UBA7: variants seen among roughly 807,000 people sequenced by gnomAD.
UBA7 encodes the protein ubiquitin-like modifier-activating enzyme 7.
A neutral mutation model predicts 113.0 loss-of-function variants in UBA7; 88 were observed. The observed-to-expected ratio is 0.78, with a 90% CI of 0.66 to 0.93. The LOEUF is 0.93. Among genes scored for constraint, UBA7 ranks in the 40% least tolerant of loss-of-function variants. The probability of loss-of-function intolerance (pLI) is 0.00; values close to 1 mark genes in which losing one functional copy is unlikely to be tolerated. For missense variants in UBA7, 1,092 were observed against 1,266.4 expected, an observed-to-expected ratio of 0.86 and a Z score of 2.09; for synonymous variants, 459 against 513.0, an observed-to-expected ratio of 0.89 and a Z score of 1.42.
intron 17 of UBA7, 45 bp downstream of exon 17, chr3:49,809,345 G>A (rs2081503808): frequency 1.9e-6 from 3 of 1,603,488 alleles, no homozygotes; most frequent in South Asian, 2.2e-5. Flanking sequence ...TCTGCTCTGA[G>A]GGGCCACATC....
In UBA7 at chr3:49,807,648, G is replaced by A. The variant is rs1575369053; in HGVS notation, c.2715+88C>T. 4.1e-6 allele frequency: 6 copies of A among 1,467,258 alleles called. No homozygotes were observed. In the East Asian group the frequency reaches 1.4e-4, roughly 34 times the overall value. 90.9% of individuals were successfully genotyped at this position (1,467,258 alleles called of 1,614,324 possible). ...TTCTGCACAGTCTGAGTTTCAGTGA[G>A]AGCCGGCAGCTAGATTGGGGCCTGT... On this transcript the variant is annotated intron_variant, in intron 21 of 23. Transcript: ENST00000333486. This position sits in a 1 kb window ranked among gnomAD's most constrained non-coding sequence, Gnocchi z 4.0.
At position 49,810,054 on chromosome 3, in the gene UBA7, G is replaced by C. The variant is rs1308490112; in HGVS notation, c.1763C>G (p.Ala588Gly). Residue 588 changes from alanine to glycine, a missense_variant, in exon 14 of 24, where the codon GCT (alanine) becomes GGT (glycine). Physicochemically the swap from Ala to Gly is moderately conservative, Grantham distance 60. Around this residue, in one of 3 missense-constraint regions of UBA7, gnomAD observed 500 missense variants for 529.3 expected, o/e 0.94. Transcript: ENST00000333486. The surrounding 1 kb of genome is among the most constrained non-coding windows in gnomAD (Gnocchi z 5.6). ...VTEAYRAPAS[A>G]AASEDAPYPV... ...GTAGGGGGCATCCTCAGAAGCTGCA[G>C]CTGAGGCAGGGGCTCTGTAGGCCTC... is the stretch of plus-strand genomic sequence containing the variant. 17 of 1,613,674 alleles carry C rather than the reference G, an allele frequency of 1.1e-5. No homozygotes were observed. The highest frequency in any genetic ancestry group is 1.4e-5 in the Non-Finnish European group (16 of 1,180,000).
rs1204406159 is a variant in UBA7, at chr3:49,813,877, T to C, written c.-90A>G. Reference sequence around the variant, plus strand: ...GTGACAGTAGGGGCCAGTGCCCTGCTGTAGCCAGTGCAAACAGGAACCAAG... The same window carrying C: ...GTGACAGTAGGGGCCAGTGCCCTGCCGTAGCCAGTGCAAACAGGAACCAAG... On this transcript the variant is annotated 5_prime_UTR_variant, in exon 1 of 24. Transcript: ENST00000333486. The C allele has an allele frequency of 2.0e-6, 3 of 1,485,414 alleles. No individual in the cohort carries two copies. Among genetic ancestry groups the C allele is most frequent in the Admixed American group, 1.9e-5 (1 of 53,358 alleles). The allele number at this position is 1,485,414 out of a possible 1,614,324, so 92.0% of individuals were successfully genotyped here. A position where few individuals can be genotyped will look rare whatever the true frequency, so the allele number is the denominator to read the frequency against.
chr3:49,811,574 GGAAGGCCTGGCCCTGC>G, intron 8 of UBA7, 119 bp from the exon 9 acceptor site: 1 of 1,421,292 alleles, frequency 7.0e-7, no homozygotes, highest in Non-Finnish European at 9.5e-7. Context: ...AGCCTGGGTG[GGAAGGCCTGGCCCTGC>G]TGCCAGCCTG....
rs773099533 is a variant in UBA7 at position 49,810,367 on chromosome 3, A to G, written c.1529T>C (p.Ile510Thr). ...ARGLNPDLQV[I>T]PLTYPLDPTT... is the part of the protein sequence containing the mutation. The stretch of plus-strand genomic sequence containing the variant: ...GGGATCCAGTGGGTAGGTGAGCGGG[A>G]TCACCTGTAAGTCTGGGTTCAGGCC... The change falls in exon 13 of 24, where the codon ATC becomes ACC. Residue 510 changes from isoleucine (I) to threonine (T), a missense_variant. This residue lies in a region of UBA7 where 584 missense variants were observed against 714.5 expected (regional missense o/e 0.82). Coordinates refer to ENST00000333486, the MANE Select transcript of UBA7 (RefSeq NM_003335.3). This position sits in a 1 kb window ranked among gnomAD's most constrained non-coding sequence, Gnocchi z 5.6. 1.2e-6 allele frequency: 2 copies of G among 1,614,006 alleles called. No individual in the cohort carries two copies. Among genetic ancestry groups the G allele is most frequent in the East Asian group, 2.2e-5 (1 of 44,892 alleles).
Position 49,809,009 on chromosome 3 carries a change from T to A in UBA7, c.2314A>T (p.Asn772Tyr). 6.2e-7 allele frequency: 1 copy of A among 1,613,774 alleles called. No homozygotes were observed. The highest frequency in any genetic ancestry group is 8.5e-7 in the Non-Finnish European group (1 of 1,179,988). The change falls in exon 18 of 24, where the codon AAT becomes TAT. Residue 772 changes from asparagine (N) to tyrosine (Y), a missense_variant. Asn to Tyr is a moderately radical substitution (Grantham distance 143). Transcript: ENST00000333486. ...GCAGAAGCCGAAGCCAGCTCTAGAT[T>A]ACTAGCAAAGATGGGGGCCATCTGT... is the stretch of plus-strand genomic sequence containing the variant. ...PQQMAPIFASNLELASASAEF... is the reference protein window; with the variant it reads ...PQQMAPIFASYLELASASAEF...
chr3:49,811,882 C>T lies in UBA7; in HGVS notation c.927G>A (p.Gln309=). ...KFQHLHGRPP[Q]PWDPVDAETV... ...CAGGACTACTCACAGGATCCCAGGGCTGGGGTGGCCGGCCATGGAGGTGCT... is the reference window on the plus strand; with the variant it reads ...CAGGACTACTCACAGGATCCCAGGGTTGGGGTGGCCGGCCATGGAGGTGCT... The change falls in exon 8 of 24, where the codon CAG becomes CAA. Residue 309 remains glutamine, a synonymous_variant. Transcript: ENST00000333486. 1 of 1,613,644 alleles carries T rather than the reference C, an allele frequency of 6.2e-7. No homozygotes were observed. The highest frequency in any genetic ancestry group is 8.5e-7 in the Non-Finnish European group (1 of 1,179,992).
Position 49,810,964 on chromosome 3 carries a change from CCCCTATCCCAGGCTCT to C in UBA7, c.1230+4_1230+19del. The C allele has an allele frequency of 6.2e-7, 1 of 1,613,418 alleles. No individual in the cohort carries two copies. On this transcript the variant is annotated splice_donor_5th_base_variant and intron_variant, in intron 10 of 23. Transcript: ENST00000333486. The surrounding 1 kb of genome is among the most constrained non-coding windows in gnomAD (Gnocchi z 5.6). ...GTCCTGATTTTGGACAAGGCTTGCA[CCCCTATCCCAGGCTCT>C]CACCAGGGCACAGTCCTCAGGACTG...
chr3:49,806,293 G>T (rs764978999), intron 21 of UBA7, 128 bp from the exon 22 acceptor site: 3 of 808,472 alleles, frequency 3.7e-6, no homozygotes, highest in African/African-American at 1.7e-5. Context: ...TGGGGGGTGG[G>T]GGGGAGGTGG....
In UBA7 at chr3:49,813,042, G is replaced by A. The variant is rs1451336375; in HGVS notation, c.467+20C>T. On this transcript the variant is annotated intron_variant, in intron 4 of 23. Coordinates refer to ENST00000333486, the MANE Select transcript of UBA7 (RefSeq NM_003335.3). ...GTTGCTGGCTGTAATATGGTAGGCT[G>A]GGCAGGCAGTCTTACTCACCCCACG... The A allele has an allele frequency of 5.0e-6, 8 of 1,608,102 alleles. No homozygotes were observed. Among genetic ancestry groups the A allele is most frequent in the South Asian group, 1.1e-5 (1 of 90,310 alleles).
chr3:49,809,542 T>C lies in UBA7; in HGVS notation c.2088A>G (p.Lys696=). ...AGCGTCCCAACCCCTAGCCACACAC[T>C]TTATTAGGTGGGAAGTGCCTCAGCA... ...KQLLRHFPPN[K]VLEDGTPFWS... is the part of the protein sequence containing the mutation. The change falls in exon 16 of 24, where the codon AAA becomes AAG. Residue 696 remains lysine, a splice_region_variant and synonymous_variant. Transcript: ENST00000333486. 6.2e-7 allele frequency: 1 copy of C among 1,613,950 alleles called. No individual in the cohort carries two copies. The highest frequency in any genetic ancestry group is 8.5e-7 in the Non-Finnish European group (1 of 1,179,970).
At chr3:49,808,159 T>C (rs377324603) in intron 19 of UBA7, 47 bp from the exon 20 acceptor site, 260 of 1,604,296 alleles carry the variant, frequency 1.6e-4, no homozygotes, top group Admixed American at 4.5e-4. Context: ...GCTGTGCCCC[T>C]CACCGTGGCC....
intron 17 of UBA7, 82 bp from the exon 18 acceptor site, chr3:49,809,241 C>A: frequency 6.5e-7 from 1 of 1,537,818 alleles, no homozygotes. Context: ...TGTTTGAGTG[C>A]CTGCCTTTGC....
intron 5 of UBA7, 35 bp downstream of exon 5, chr3:49,812,613 G>A: frequency 6.2e-7 from 1 of 1,614,198 alleles, no homozygotes. Flanking sequence ...GCCTCTCCTT[G>A]GTCAGCAGGT....
intron 19 of UBA7, 96 bp from the exon 20 acceptor site, chr3:49,808,208 CG>C (rs1559432963): frequency 2.6e-6 from 4 of 1,545,320 alleles, no homozygotes; most frequent in African/African-American, 1.4e-5. Flanking sequence ...ACAGTTCTGT[CG>C]GGGGGTTGCC....
intron 23 of UBA7, 56 bp from the exon 24 acceptor site, chr3:49,805,493 C>A: frequency 6.4e-7 from 1 of 1,552,378 alleles, no homozygotes; most frequent in Non-Finnish European, 8.9e-7. Context: ...AAGCAGAAGG[C>A]AGCCTGGCAT....
chr3:49,809,839 G>A lies in UBA7; in HGVS notation c.1880C>T (p.Ala627Val), dbSNP rs760131776. The A allele has an allele frequency of 1.5e-5, 25 of 1,614,060 alleles. No homozygotes were observed. The highest frequency in any genetic ancestry group is 2.1e-5 in the Non-Finnish European group (25 of 1,180,044). ...CTGTTGGTGGTGGTTGATGGTCTCT[G>A]CAGACAGTCGGAAGAGTTCTTCAAA... Reference protein sequence around the residue: ...HEFEELFRLSAETINHHQQAH... With the variant: ...HEFEELFRLSVETINHHQQAH... Residue 627 changes from alanine (A) to valine (V), a missense_variant, in exon 15 of 24, where the codon GCA (alanine) becomes GTA (valine). This residue lies in a region of UBA7 where 500 missense variants were observed against 529.3 expected (regional missense o/e 0.94). Coordinates refer to ENST00000333486, the MANE Select transcript of UBA7 (RefSeq NM_003335.3).
Position 49,810,082 on chromosome 3 carries a change from T to TCA in UBA7, c.1733_1734dup (p.Thr579Ter). Reference sequence around the variant, plus strand: ...GAGGCAGGGGCTCTGTAGGCCTCAGTCACATGTGGCATGAATACTGTAGCA... The same window carrying TCA: ...GAGGCAGGGGCTCTGTAGGCCTCAGTCACACATGTGGCATGAATACTGTAGCA... On this transcript the variant is annotated frameshift_variant, in exon 14 of 24. Transcript: ENST00000333486. LOFTEE classifies it high-confidence loss of function. This position sits in a 1 kb window ranked among gnomAD's most constrained non-coding sequence, Gnocchi z 5.6. 1 of 1,613,214 alleles carries TCA rather than the reference T, an allele frequency of 6.2e-7. No homozygotes were observed. The highest frequency in any genetic ancestry group is 8.5e-7 in the Non-Finnish European group (1 of 1,179,978).
chr3:49,810,601 G>A lies in UBA7; in HGVS notation c.1383C>T (p.Ser461=), dbSNP rs779065241. The change falls in exon 12 of 24, where the codon AGC becomes AGT. Residue 461 remains serine (S), a synonymous_variant. Coordinates refer to ENST00000333486, the MANE Select transcript of UBA7 (RefSeq NM_003335.3). The surrounding 1 kb of genome is among the most constrained non-coding windows in gnomAD (Gnocchi z 5.6). ...FALVGLGAGN[S]GGLTVVDMDH... is the part of the protein sequence containing the mutation. Reference sequence around the variant, plus strand: ...CCATGTCAACAACAGTCAAGCCCCCGCTGTTCCCGGCCCCCAGTCCCACTA... The same window carrying A: ...CCATGTCAACAACAGTCAAGCCCCCACTGTTCCCGGCCCCCAGTCCCACTA... The A allele has an allele frequency of 7.4e-6, 12 of 1,613,974 alleles. No homozygotes were observed. Among genetic ancestry groups the A allele is most frequent in the South Asian group, 3.3e-5 (3 of 91,080 alleles).
Sources: gnomAD v4.1 joint callset for allele counts on GRCh38, gnomAD v4.1.1 for gene constraint, gnomAD v4.1.1 regional missense constraint, Gnocchi (gnomAD v3.1) non-coding constraint, MANE v1.5 for transcripts, NCBI Gene and HGNC (gene_info 2026-07-23, HGNC 2026-07-21) for gene names.